C22orf39: variants seen among roughly 807,000 people sequenced by gnomAD.
C22orf39 encodes the protein chromosome 22 open reading frame 39.
A neutral mutation model predicts 18.3 loss-of-function variants in C22orf39; 20 were observed. The ratio of observed to expected loss-of-function variants is 1.09; its 90% confidence interval spans 0.77 to 1.59. C22orf39 has a LOEUF of 1.59. Ranked by LOEUF, C22orf39 falls within the 40% of genes most tolerant of loss-of-function variation. The pLI is 0.00. For synonymous variants in C22orf39, 63 were observed against 59.6 expected (o/e 1.06, Z -0.26); for missense variants, 195 against 156.1 (o/e 1.25, Z -1.33).
intron 2 of C22orf39, among the ~76,000 whole-genome samples, chr22:19,446,269 A>G (rs1336579816): frequency 1.3e-5 from 2 of 152,222 alleles, no homozygotes; most frequent in African/African-American, 4.8e-5. Flanking sequence ...CTCTTGCTAT[A>G]TAAGCTGTCA....
At chr22:19,447,287 G>T in intron 2 of C22orf39, 91 bp downstream of exon 2, 1 of 1,294,466 alleles carries the variant, frequency 7.7e-7, no homozygotes, top group Non-Finnish European at 1.0e-6. Context: ...TCAGTCCCCG[G>T]CTAGGTCGCG....
chr22:19,444,730 C>G (rs2089631565), intron 2 of C22orf39, among the ~76,000 whole-genome samples: 1 of 152,034 alleles, frequency 6.6e-6, no homozygotes, highest in Admixed American at 6.5e-5. Flanking sequence ...TGAGAGTGAG[C>G]CTGGGGGTGC....
intron 2 of C22orf39, among the ~76,000 whole-genome samples, chr22:19,446,999 G>C (rs2089643941): frequency 6.6e-6 from 1 of 152,120 alleles, no homozygotes; most frequent in African/African-American, 2.4e-5. Context: ...CCTACCCTCT[G>C]CTTCAGGAAC....
rs1050964021 is a variant in C22orf39, at chr22:19,443,304, C to A, written c.*961G>T. 10 of 985,486 alleles carry A rather than the reference C, an allele frequency of 1.0e-5. No individual in the cohort carries two copies. The highest frequency in any genetic ancestry group is 1.2e-5 in the Non-Finnish European group (10 of 829,942). The allele number at this position is 985,486 out of a possible 1,614,324, so 61.0% of individuals were successfully genotyped here. A position where few individuals can be genotyped will look rare whatever the true frequency, so the allele number is the denominator to read the frequency against. On this transcript the variant is annotated 3_prime_UTR_variant, in exon 3 of 3. Transcript: ENST00000399562. ...ACCCAGCCTAGCCCTCAGCATCACA[C>A]AACAGGGCCACCATAGGATGAGAAA...
chr22:19,441,453 A>G lies in C22orf39; in HGVS notation c.*2812T>C, dbSNP rs973351005. The G allele has an allele frequency of 4.6e-5, 26 of 570,284 alleles. No homozygotes were observed. The African/African-American group carries it at 4.7e-4, about 10-fold the overall frequency. The allele number at this position is 570,284 out of a possible 1,614,324, so 35.3% of individuals were successfully genotyped here. ...GTATTTCAACAATAATATGCTATAT[A>G]TAACAGTCTATGCCAGATAATAATG... On this transcript the variant is annotated 3_prime_UTR_variant, in exon 3 of 3. Coordinates refer to ENST00000399562, the MANE Select transcript of C22orf39 (RefSeq NM_173793.5).
At chr22:19,446,721 T>C (rs955416351) in intron 2 of C22orf39, among the ~76,000 whole-genome samples, 2 of 151,790 alleles carry the variant, frequency 1.3e-5, no homozygotes, top group African/African-American at 4.8e-5. Context: ...TTTTCCCCCC[T>C]GAGACAGGTC....
chr22:19,443,420 C>T lies in C22orf39; in HGVS notation c.*845G>A. 1 of 985,810 alleles carries T rather than the reference C, an allele frequency of 1.0e-6. No individual in the cohort carries two copies. The highest frequency in any genetic ancestry group is 1.2e-6 in the Non-Finnish European group (1 of 829,930). The allele number at this position is 985,810 out of a possible 1,614,324, so 61.1% of individuals were successfully genotyped here. On this transcript the variant is annotated 3_prime_UTR_variant, in exon 3 of 3. Coordinates refer to ENST00000399562, the MANE Select transcript of C22orf39 (RefSeq NM_173793.5). ...AACACTTAACAAGAGAATAAGCATACAAATTTCTAATACTGTCCAGGTACA... is the reference window on the plus strand; with the variant it reads ...AACACTTAACAAGAGAATAAGCATATAAATTTCTAATACTGTCCAGGTACA...
Position 19,442,181 on chromosome 22 carries a change from A to C in C22orf39, c.*2084T>G, listed in dbSNP as rs771318090. On this transcript the variant is annotated 3_prime_UTR_variant, in exon 3 of 3. Transcript: ENST00000399562. ...CTTTGAAGACAACTTGTCTGTTTCA[A>C]AACTGTGGTCTTATAAGCCTCAAAC... 1 of 154,034 alleles carries C rather than the reference A, an allele frequency of 6.5e-6. No homozygotes were observed. The highest frequency in any genetic ancestry group is 2.0e-4 in the South Asian group (1 of 5,056). The allele number at this position is 154,034 out of a possible 1,614,324, so 9.5% of individuals were successfully genotyped here. A position where few individuals can be genotyped will look rare whatever the true frequency, so the allele number is the denominator to read the frequency against.
rs1314814446 is a variant in C22orf39, at chr22:19,443,162, G to A, written c.*1103C>T. Reference sequence around the variant, plus strand: ...AAACACACTCAAGCAGGGAAATACTGTTCTTTAATGGACACCCTTCTAACG... The same window carrying A: ...AAACACACTCAAGCAGGGAAATACTATTCTTTAATGGACACCCTTCTAACG... On this transcript the variant is annotated 3_prime_UTR_variant, in exon 3 of 3. Transcript: ENST00000399562. The A allele has an allele frequency of 2.0e-6, 2 of 981,908 alleles. No individual in the cohort carries two copies. The highest frequency in any genetic ancestry group is 6.4e-5 in the Admixed American group (1 of 15,642). 60.8% of individuals were successfully genotyped at this position (981,908 alleles called of 1,614,324 possible).
chr22:19,443,950 G>A lies in C22orf39; in HGVS notation c.*315C>T. The A allele has an allele frequency of 2.7e-6, 3 of 1,093,802 alleles. No individual in the cohort carries two copies. The highest frequency in any genetic ancestry group is 3.3e-6 in the Non-Finnish European group (3 of 899,998). 67.8% of individuals were successfully genotyped at this position (1,093,802 alleles called of 1,614,324 possible). On this transcript the variant is annotated 3_prime_UTR_variant, in exon 3 of 3. Coordinates refer to ENST00000399562, the MANE Select transcript of C22orf39 (RefSeq NM_173793.5). ...CCCTTCAGTTTACCTGAGAAGCCTA[G>A]ACCTCAGGACCGCCATCTCCTATGC...
rs780529073 is a variant in C22orf39, at chr22:19,443,507, G to C, written c.*758C>G. 22 of 985,720 alleles carry C rather than the reference G, an allele frequency of 2.2e-5. No homozygotes were observed. The highest frequency in any genetic ancestry group is 2.5e-5 in the Non-Finnish European group (21 of 829,942). The allele number at this position is 985,720 out of a possible 1,614,324, so 61.1% of individuals were successfully genotyped here. On this transcript the variant is annotated 3_prime_UTR_variant, in exon 3 of 3. Transcript: ENST00000399562. Reference sequence around the variant, plus strand: ...AATTTTCAGCTTCTATTTGAAATCAGATGAAATAGCTTTTGATACATTAAC... The same window carrying C: ...AATTTTCAGCTTCTATTTGAAATCACATGAAATAGCTTTTGATACATTAAC...
chr22:19,444,769 G>A lies in C22orf39; in HGVS notation c.193-379C>T, dbSNP rs145293343. On this transcript the variant is annotated intron_variant, in intron 2 of 2. Coordinates refer to ENST00000399562, the MANE Select transcript of C22orf39 (RefSeq NM_173793.5). ...GTGGAGAGGAGAGAAGAGTCTGAGAGAGCAGCTGTGGGGAGCTGCAGGGAG... is the reference window on the plus strand; with the variant it reads ...GTGGAGAGGAGAGAAGAGTCTGAGAAAGCAGCTGTGGGGAGCTGCAGGGAG... Among the ~76,000 whole-genome samples, 5 of 152,328 alleles carry A rather than the reference G, an allele frequency of 3.3e-5. No homozygotes were observed. In the East Asian group the frequency reaches 9.6e-4, roughly 29 times the overall value.
chr22:19,446,090 T>A (rs2089637870), intron 2 of C22orf39, among the ~76,000 whole-genome samples: 1 of 152,168 alleles, frequency 6.6e-6, no homozygotes, highest in Non-Finnish European at 1.5e-5. Context: ...GTGCCGAGAT[T>A]ACAGGTGCCC....
Position 19,441,159 on chromosome 22 carries a change from G to C in C22orf39, c.*3106C>G, listed in dbSNP as rs1470666828. The C allele has an allele frequency of 6.4e-6, 1 of 155,398 alleles. No homozygotes were observed. Among genetic ancestry groups the C allele is most frequent in the Non-Finnish European group, 1.4e-5 (1 of 70,196 alleles). The allele number at this position is 155,398 out of a possible 1,614,324, so 9.6% of individuals were successfully genotyped here. On this transcript the variant is annotated 3_prime_UTR_variant, in exon 3 of 3. Transcript: ENST00000399562. ...TGTGTAACCACCAGTCAGGCTGACA[G>C]ATGGTTTTCAACACCACAGGACTCC...
At chr22:19,445,101 G>T (rs189588806) in intron 2 of C22orf39, among the ~76,000 whole-genome samples, 1 of 152,284 alleles carries the variant, frequency 6.6e-6, no homozygotes, top group East Asian at 1.9e-4. Context: ...AAAATATTTT[G>T]ATCGTGTTTA....
chr22:19,443,096 C>CCCACA lies in C22orf39; in HGVS notation c.*1168_*1169insTGTGG. ...TGAGCACAACCCCCACCCCCACCCC[C>CCCACA]ACTGTTCACAGACACAGGGGCTCTT... On this transcript the variant is annotated 3_prime_UTR_variant, in exon 3 of 3. Transcript: ENST00000399562. 4.7e-6 allele frequency: 4 copies of CCCACA among 851,066 alleles called. No homozygotes were observed. Among genetic ancestry groups the CCCACA allele is most frequent in the Non-Finnish European group, 5.6e-6 (4 of 709,376 alleles). 52.7% of individuals were successfully genotyped at this position (851,066 alleles called of 1,614,324 possible).
In C22orf39 at chr22:19,447,562, C is replaced by T. The variant is rs1431390631; in HGVS notation, c.25-17G>A. ...GCGCGGCGGCTGCGGCGAGAGGCGG[C>T]GCCTGAGCGGGGCCCGGCGGCCGCG... On this transcript the variant is annotated splice_polypyrimidine_tract_variant and intron_variant, in intron 1 of 2. Coordinates refer to ENST00000399562, the MANE Select transcript of C22orf39 (RefSeq NM_173793.5). 4 of 1,410,884 alleles carry T rather than the reference C, an allele frequency of 2.8e-6. No homozygotes were observed. In the South Asian group the frequency reaches 4.7e-5, roughly 17 times the overall value. 87.4% of individuals were successfully genotyped at this position (1,410,884 alleles called of 1,614,324 possible). A position where few individuals can be genotyped will look rare whatever the true frequency, so the allele number is the denominator to read the frequency against.
intron 2 of C22orf39, among the ~76,000 whole-genome samples, chr22:19,445,162 T>C (rs545284677): frequency 2.0e-4 from 31 of 152,364 alleles, no homozygotes; most frequent in African/African-American, 5.8e-4. Flanking sequence ...CAAATGTCCA[T>C]TCCCAATGCG....
At chr22:19,446,353 C>T (rs951677633) in intron 2 of C22orf39, among the ~76,000 whole-genome samples, 17 of 152,140 alleles carry the variant, frequency 1.1e-4, no homozygotes, top group African/African-American at 4.1e-4. Flanking sequence ...GTCTGGTTTC[C>T]ACATCAGTTC....
Sources: gnomAD v4.1 joint callset for allele counts (sites outside exome capture counted in the v4.1 genomes callset) on GRCh38, gnomAD v4.1.1 for gene constraint, MANE v1.5 for transcripts, NCBI Gene and HGNC (gene_info 2026-07-23, HGNC 2026-07-21) for gene names.